SERPINA6: variants seen among roughly 807,000 people sequenced by gnomAD.
The protein encoded by SERPINA6 is corticosteroid-binding globulin.
Under a neutral mutation model 26.4 loss-of-function variants are expected in SERPINA6, and 19 were observed. That is an observed-to-expected ratio of 0.72 (90% confidence interval 0.50 to 1.06). The LOEUF is 1.06. SERPINA6 is among the 50% of genes least tolerant of loss of function. SERPINA6 has a pLI of 0.00. For missense variants in SERPINA6, 473 were observed against 504.0 expected (o/e 0.94, Z 0.59); for synonymous variants, 196 against 199.4 (o/e 0.98, Z 0.14).
chr14:94,311,444 T>C (rs1027158271), intron 2 of SERPINA6, among the ~76,000 whole-genome samples: 5 of 152,184 alleles, frequency 3.3e-5, no homozygotes, highest in African/African-American at 2.4e-5. Context: ...GCATAATGTA[T>C]ATAGTTTGAC....
At chr14:94,318,497 G>A (rs550948783) in intron 1 of SERPINA6, among the ~76,000 whole-genome samples, 1 of 152,258 alleles carries the variant, frequency 6.6e-6, no homozygotes, top group African/African-American at 2.4e-5. Context: ...ATAGAATACA[G>A]AACCCAGAAA....
rs375265434 is a variant in SERPINA6 at position 94,314,535 on chromosome 14, G to A, written c.114C>T (p.Gly38=). ...CAAAGTCAACGTTGGCTGAAGCCAG[G>A]CCCCGGTGATGGTTACTCATGTTCA... ...AYVNMSNHHR[G]LASANVDFAF... The change falls in exon 2 of 5, where the codon GGC becomes GGT. Residue 38 remains glycine (G), a synonymous_variant. Transcript: ENST00000341584. The A allele has an allele frequency of 2.5e-6, 4 of 1,614,128 alleles. No individual in the cohort carries two copies. The highest frequency in any genetic ancestry group is 3.4e-6 in the Non-Finnish European group (4 of 1,180,056).
chr14:94,314,946 C>T (rs1490503185), intron 1 of SERPINA6: 3 of 504,944 alleles, frequency 5.9e-6, no homozygotes, highest in Admixed American at 3.4e-5. Flanking sequence ...CAAAACACTC[C>T]TAAAGCAAGT....
At chr14:94,309,697 G>A (rs79247904) in intron 3 of SERPINA6, 39 bp downstream of exon 3, 44,628 of 1,610,094 alleles carry the variant, frequency 0.028, 733 homozygotes, top group Non-Finnish European at 0.031. Context: ...CTGGGGACAC[G>A]TGCATTGCAG....
At chr14:94,316,436 C>G (rs1895615163) in intron 1 of SERPINA6, among the ~76,000 whole-genome samples, 1 of 152,118 alleles carries the variant, frequency 6.6e-6, no homozygotes, top group Non-Finnish European at 1.5e-5. Context: ...TTGTTCTATC[C>G]ATTATTGAGA....
chr14:94,311,897 A>G (rs966022926), intron 2 of SERPINA6, among the ~76,000 whole-genome samples: 12 of 152,250 alleles, frequency 7.9e-5, no homozygotes, highest in African/African-American at 2.9e-4. Context: ...GCAGTGAGCC[A>G]AGATTCTGCC....
rs1037407899 is a variant in SERPINA6 at position 94,310,001 on chromosome 14, A to G, written c.619T>C (p.Trp207Arg). ...CTTGCCAGGTCAAAGGGCTGTGTCC[A>G]TGTGCCTAGGAAGAGGAGGAGACAG... ...LVNYIFFKGT[W>R]TQPFDLASTR... The change falls in exon 3 of 5, where the codon TGG becomes CGG. Residue 207 changes from tryptophan to arginine, a missense_variant. Transcript: ENST00000341584. The G allele has an allele frequency of 6.2e-7, 1 of 1,613,982 alleles. No individual in the cohort carries two copies. Among genetic ancestry groups the G allele is most frequent in the African/African-American group, 1.3e-5 (1 of 74,902 alleles).
At chr14:94,314,831 C>T (rs1011462204) in intron 1 of SERPINA6, 164 bp from the exon 2 acceptor site, 2 of 668,724 alleles carry the variant, frequency 3.0e-6, no homozygotes, top group African/African-American at 3.6e-5. Flanking sequence ...CTTCAGTTTC[C>T]TCATCTGGAG....
At chr14:94,313,393 T>G (rs1233618521) in intron 2 of SERPINA6, among the ~76,000 whole-genome samples, 1 of 152,200 alleles carries the variant, frequency 6.6e-6, no homozygotes, top group South Asian at 2.1e-4. Context: ...AGGTGGGCCA[T>G]TATCCAGTGT....
In SERPINA6 at chr14:94,314,171, A is replaced by T; in HGVS notation, c.478T>A (p.Phe160Ile). The change falls in exon 2 of 5, where the codon TTC becomes ATC. Residue 160 changes from phenylalanine (F) to isoleucine (I), a missense_variant. Transcript: ENST00000341584. Reference protein sequence around the residue: ...YYESEVLAMNFQDWATASRQI... With the variant: ...YYESEVLAMNIQDWATASRQI... ...CTGCTGGCTGTTGCCCAGTCCTGGA[A>T]ATTCATAGCCAAGACCTCTGACTCA... 1 of 1,614,234 alleles carries T rather than the reference A, an allele frequency of 6.2e-7. No individual in the cohort carries two copies. The highest frequency in any genetic ancestry group is 8.5e-7 in the Non-Finnish European group (1 of 1,180,040).
In SERPINA6 at chr14:94,314,480, A is replaced by G. The variant is rs138878413; in HGVS notation, c.169T>C (p.Leu57=). The stretch of plus-strand genomic sequence containing the variant: ...ATGAAAATGTTCTTTTTGGGACTCA[A>G]GGCCACTAGGTGCTTATACAGGCTG... ...AFSLYKHLVA[L]SPKKNIFISP... Residue 57 remains leucine (L), a synonymous_variant, in exon 2 of 5, where the codon TTG becomes CTG. Transcript: ENST00000341584. 9 of 1,614,068 alleles carry G rather than the reference A, an allele frequency of 5.6e-6. No individual in the cohort carries two copies. In the African/African-American group the frequency reaches 9.3e-5, roughly 17 times the overall value.
Position 94,314,504 on chromosome 14 carries a change from T to C in SERPINA6, c.145A>G (p.Ser49Gly), listed in dbSNP as rs1895582857. ...AAGGCCACTAGGTGCTTATACAGGCTGAAGGCAAAGTCAACGTTGGCTGAA... is the reference window on the plus strand; with the variant it reads ...AAGGCCACTAGGTGCTTATACAGGCCGAAGGCAAAGTCAACGTTGGCTGAA... ...LASANVDFAF[S>G]LYKHLVALSP... Residue 49 changes from serine (S) to glycine (G), a missense_variant, in exon 2 of 5, where the codon AGC (serine) becomes GGC (glycine). Coordinates refer to ENST00000341584, the MANE Select transcript of SERPINA6 (RefSeq NM_001756.4). 1 of 1,614,214 alleles carries C rather than the reference T, an allele frequency of 6.2e-7. No homozygotes were observed. The highest frequency in any genetic ancestry group is 1.3e-5 in the African/African-American group (1 of 75,050).
intron 1 of SERPINA6, among the ~76,000 whole-genome samples, chr14:94,319,293 T>A (rs11850226): frequency 0.6 from 77,551 of 129,044 alleles, 20,597 homozygotes; most frequent in Admixed American, 0.72. Flanking sequence ...TTTAAAAAAA[T>A]TTTTTTTTTA....
At chr14:94,316,148 T>A (rs780122722) in intron 1 of SERPINA6, among the ~76,000 whole-genome samples, 7 of 152,184 alleles carry the variant, frequency 4.6e-5, no homozygotes, top group Non-Finnish European at 8.8e-5. Context: ...AGTGTGTTGT[T>A]TTTTCCACAA....
intron 1 of SERPINA6, among the ~76,000 whole-genome samples, chr14:94,316,935 G>A (rs1430550406): frequency 6.6e-6 from 1 of 152,082 alleles, no homozygotes; most frequent in African/African-American, 2.4e-5. Flanking sequence ...CTGCACCATT[G>A]GCTCCTCCGG....
intron 3 of SERPINA6, among the ~76,000 whole-genome samples, chr14:94,306,526 T>C (rs1353468004): frequency 6.6e-6 from 1 of 152,172 alleles, no homozygotes; most frequent in Non-Finnish European, 1.5e-5. Flanking sequence ...AAGACAATAG[T>C]CCATAATGAA....
In SERPINA6 at chr14:94,309,791, T is replaced by A. The variant is rs201288144; in HGVS notation, c.829A>T (p.Ile277Phe). Residue 277 changes from isoleucine (I) to phenylalanine (F), a missense_variant, in exon 3 of 5, where the codon ATC (isoleucine) becomes TTC (phenylalanine). Ile to Phe is a conservative substitution (Grantham distance 21). Coordinates refer to ENST00000341584, the MANE Select transcript of SERPINA6 (RefSeq NM_001756.4). ...LPDKGKMNTVIAALSRDTINR... is the reference protein window; with the variant it reads ...LPDKGKMNTVFAALSRDTINR... The stretch of plus-strand genomic sequence containing the variant: ...ATCGTGTCCCGGCTCAGTGCAGCGA[T>A]GACTGTGTTCATCTTCCCCTTGTCC... The A allele has an allele frequency of 8.7e-6, 14 of 1,614,230 alleles. No homozygotes were observed. The Admixed American group carries it at 1.8e-4, about 21-fold the overall frequency.
At chr14:94,314,010 C>G in intron 2 of SERPINA6, 26 bp downstream of exon 2, 1 of 1,613,966 alleles carries the variant, frequency 6.2e-7, no homozygotes, top group Non-Finnish European at 8.5e-7. Context: ...GTGGATGGGC[C>G]TTCAGATGGG....
At chr14:94,315,701 A>G (rs1343606882) in intron 1 of SERPINA6, among the ~76,000 whole-genome samples, 1 of 152,180 alleles carries the variant, frequency 6.6e-6, no homozygotes, top group Non-Finnish European at 1.5e-5. Flanking sequence ...TGACTACACT[A>G]ATATTAGACA....
Sources: gnomAD v4.1 joint callset for allele counts (sites outside exome capture counted in the v4.1 genomes callset) on GRCh38, gnomAD v4.1.1 for gene constraint, MANE v1.5 for transcripts, NCBI Gene and HGNC (gene_info 2026-07-23, HGNC 2026-07-21) for gene names.